The following CDK5 variants were observed in gnomAD, a reference collection of about 807,000 sequenced individuals.
CDK5 encodes the protein cyclin dependent kinase 5, also known as cyclin-dependent kinase 5.
A neutral mutation model predicts 44.6 loss-of-function variants in CDK5; 18 were observed. The ratio of observed to expected loss-of-function variants is 0.40; its 90% CI spans 0.28 to 0.60. CDK5 has a LOEUF of 0.60. Among genes scored for constraint, CDK5 ranks in the 20% least tolerant of loss-of-function variants. CDK5 has a pLI of 0.38. For synonymous variants in CDK5, 143 were observed against 152.8 expected, an observed-to-expected ratio of 0.94 and a Z score of 0.47; for missense variants, 198 against 368.1, an observed-to-expected ratio of 0.54 and a Z score of 3.78.
chr7:151,056,011 T>C lies in CDK5; in HGVS notation c.313-163A>G. 1.6e-6 allele frequency: 1 copy of C among 636,374 alleles called. No homozygotes were observed. The highest frequency in any genetic ancestry group is 2.9e-6 in the Non-Finnish European group (1 of 350,690). The allele number at this position is 636,374 out of a possible 1,614,324, so 39.4% of individuals were successfully genotyped here. A position where few individuals can be genotyped will look rare whatever the true frequency, so the allele number is the denominator to read the frequency against. On this transcript the variant is annotated intron_variant, in intron 5 of 11. Coordinates refer to ENST00000485972, the MANE Select transcript of CDK5 (RefSeq NM_004935.4). This position sits in a 1 kb window ranked among gnomAD's most constrained non-coding sequence, Gnocchi z 4.7. ...CATTCGCCATCCAGGACCTGCTTTA[T>C]ACTGTGCTAGGCATTAGAGGGACCA...
chr7:151,054,380 A>G lies in CDK5; in HGVS notation c.711+25T>C. The stretch of plus-strand genomic sequence containing the variant: ...GTGAAACGAGTGACCCTGATGAACC[A>G]TGACCCCCACATTCCCCATCACACC... On this transcript the variant is annotated intron_variant, in intron 10 of 11. Transcript: ENST00000485972. The surrounding 1 kb of genome is among the most constrained non-coding windows in gnomAD (Gnocchi z 5.7). The G allele has an allele frequency of 1.9e-6, 3 of 1,613,204 alleles. No homozygotes were observed. The highest frequency in any genetic ancestry group is 2.5e-6 in the Non-Finnish European group (3 of 1,179,380).
Position 151,057,460 on chromosome 7 carries a change from C to T in CDK5, c.38-300G>A. 1.7e-6 allele frequency: 1 copy of T among 588,808 alleles called. No individual in the cohort carries two copies. The highest frequency in any genetic ancestry group is 3.0e-6 in the Non-Finnish European group (1 of 330,868). The allele number at this position is 588,808 out of a possible 1,614,324, so 36.5% of individuals were successfully genotyped here. ...TAGTGAGGAGGGGTCTGGGAGAGGA[C>T]TGAGGGGCTGCAGAAATATTGAGGT... is the stretch of plus-strand genomic sequence containing the variant. On this transcript the variant is annotated intron_variant, in intron 1 of 11. Transcript: ENST00000485972. This position sits in a 1 kb window ranked among gnomAD's most constrained non-coding sequence, Gnocchi z 5.2.
At position 151,054,915 on chromosome 7, in the gene CDK5, C is replaced by T. The variant is rs982056872; in HGVS notation, c.650+112G>A. On this transcript the variant is annotated intron_variant, in intron 9 of 11. Coordinates refer to ENST00000485972, the MANE Select transcript of CDK5 (RefSeq NM_004935.4). The surrounding 1 kb of genome is among the most constrained non-coding windows in gnomAD (Gnocchi z 5.7). ...CTCTCCCCTTGCCCTCAGGAGAAGC[C>T]CTACAGACCCCATCACCCTACCCCA... is the stretch of plus-strand genomic sequence containing the variant. 1.2e-4 allele frequency: 126 copies of T among 1,040,400 alleles called. 1 individual carries two copies. The Admixed American group carries it at 2.5e-3, about 21-fold the overall frequency. The allele number at this position is 1,040,400 out of a possible 1,614,324, so 64.4% of individuals were successfully genotyped here. A position where few individuals can be genotyped will look rare whatever the true frequency, so the allele number is the denominator to read the frequency against.
chr7:151,057,518 T>C lies in CDK5; in HGVS notation c.37+294A>G. The C allele has an allele frequency of 1.7e-6, 1 of 592,796 alleles. No individual in the cohort carries two copies. Among genetic ancestry groups the C allele is most frequent in the East Asian group, 2.8e-5 (1 of 35,444 alleles). 36.7% of individuals were successfully genotyped at this position (592,796 alleles called of 1,614,324 possible). The stretch of plus-strand genomic sequence containing the variant: ...CTGCAGCAAGAAACGAGGCTGGGGG[T>C]CGGGGTGAGGTTGTCCAAGTGCTGC... On this transcript the variant is annotated intron_variant, in intron 1 of 11. Coordinates refer to ENST00000485972, the MANE Select transcript of CDK5 (RefSeq NM_004935.4). The surrounding 1 kb of genome is among the most constrained non-coding windows in gnomAD (Gnocchi z 5.2).
In CDK5 at chr7:151,056,173, C is replaced by A. The variant is rs115499981; in HGVS notation, c.313-325G>T. On this transcript the variant is annotated intron_variant, in intron 5 of 11. Transcript: ENST00000485972. This position sits in a 1 kb window ranked among gnomAD's most constrained non-coding sequence, Gnocchi z 4.7. The stretch of plus-strand genomic sequence containing the variant: ...CCTGGCCGCATCTGAGTATGCACGC[C>A]GTGAACATCAACATAAATATCGTGC... 1.0e-3 allele frequency: 516 copies of A among 508,980 alleles called. 1 individual carries two copies. The highest frequency in any genetic ancestry group is 8.7e-3 in the African/African-American group (458 of 52,622). The allele number at this position is 508,980 out of a possible 1,614,324, so 31.5% of individuals were successfully genotyped here. A position where few individuals can be genotyped will look rare whatever the true frequency, so the allele number is the denominator to read the frequency against.
Position 151,057,205 on chromosome 7 carries a change from T to TC in CDK5, c.38-46dup, listed in dbSNP as rs1269037622. The TC allele has an allele frequency of 6.9e-7, 1 of 1,440,052 alleles. No individual in the cohort carries two copies. The highest frequency in any genetic ancestry group is 9.8e-7 in the Non-Finnish European group (1 of 1,021,562). 89.2% of individuals were successfully genotyped at this position (1,440,052 alleles called of 1,614,324 possible). A position where few individuals can be genotyped will look rare whatever the true frequency, so the allele number is the denominator to read the frequency against. ...GGTCAGGGTGAGGATGCGGCACTCT[T>TC]CCCTAAGCCAGGAAATGCCTCCTGA... On this transcript the variant is annotated intron_variant, in intron 1 of 11. Transcript: ENST00000485972. This position sits in a 1 kb window ranked among gnomAD's most constrained non-coding sequence, Gnocchi z 5.2.
At position 151,056,100 on chromosome 7, in the gene CDK5, G is replaced by A; in HGVS notation, c.313-252C>T. ...CATACAGCCTAATGGGCCTTGGCAGGTGGATCCTAGATCCGGCCTAGATCC... is the reference window on the plus strand; with the variant it reads ...CATACAGCCTAATGGGCCTTGGCAGATGGATCCTAGATCCGGCCTAGATCC... On this transcript the variant is annotated intron_variant, in intron 5 of 11. Transcript: ENST00000485972. This position sits in a 1 kb window ranked among gnomAD's most constrained non-coding sequence, Gnocchi z 4.7. 1 of 554,062 alleles carries A rather than the reference G, an allele frequency of 1.8e-6. No homozygotes were observed. The highest frequency in any genetic ancestry group is 2.9e-5 in the East Asian group (1 of 34,660). 34.3% of individuals were successfully genotyped at this position (554,062 alleles called of 1,614,324 possible). A position where few individuals can be genotyped will look rare whatever the true frequency, so the allele number is the denominator to read the frequency against.
Position 151,056,203 on chromosome 7 carries a change from G to GT in CDK5, c.313-356dup, listed in dbSNP as rs1166261515. Reference sequence around the variant, plus strand: ...ACATCAACATAAATATCGTGCTGTAGTATCATTCAGGACTGGCTCCCCTGG... The same window carrying GT: ...ACATCAACATAAATATCGTGCTGTAGTTATCATTCAGGACTGGCTCCCCTGG... On this transcript the variant is annotated intron_variant, in intron 5 of 11. Transcript: ENST00000485972. This position sits in a 1 kb window ranked among gnomAD's most constrained non-coding sequence, Gnocchi z 4.7. 2 of 514,022 alleles carry GT rather than the reference G, an allele frequency of 3.9e-6. No individual in the cohort carries two copies. The highest frequency in any genetic ancestry group is 3.4e-5 in the Admixed American group (1 of 29,472). 31.8% of individuals were successfully genotyped at this position (514,022 alleles called of 1,614,324 possible).
In CDK5 at chr7:151,056,405, C is replaced by A. The variant is rs1043815260; in HGVS notation, c.312+175G>T. The A allele has an allele frequency of 3.2e-6, 2 of 621,028 alleles. No homozygotes were observed. The highest frequency in any genetic ancestry group is 5.7e-6 in the Non-Finnish European group (2 of 348,602). 38.5% of individuals were successfully genotyped at this position (621,028 alleles called of 1,614,324 possible). The stretch of plus-strand genomic sequence containing the variant: ...ACACTGTGCGGGTCAAAGATGACCA[C>A]GTGAAAATGCTCACTAAGACTGGAG... On this transcript the variant is annotated intron_variant, in intron 5 of 11. Coordinates refer to ENST00000485972, the MANE Select transcript of CDK5 (RefSeq NM_004935.4). The surrounding 1 kb of genome is among the most constrained non-coding windows in gnomAD (Gnocchi z 4.7).
Position 151,053,943 on chromosome 7 carries a change from C to T in CDK5, c.*66G>A, listed in dbSNP as rs1172756798. 4.3e-6 allele frequency: 6 copies of T among 1,406,918 alleles called. No homozygotes were observed. The highest frequency in any genetic ancestry group is 5.9e-6 in the Non-Finnish European group (6 of 1,023,508). The allele number at this position is 1,406,918 out of a possible 1,614,324, so 87.2% of individuals were successfully genotyped here. On this transcript the variant is annotated 3_prime_UTR_variant, in exon 12 of 12. Transcript: ENST00000485972. ...ACAGCGCACCAGGCACCCCCACTGT[C>T]TCACCCCTCTCAAGAGGGGGCTTAA... is the stretch of plus-strand genomic sequence containing the variant.
rs1446456251 is a variant in CDK5, at chr7:151,054,982, ACT to A, written c.650+43_650+44del. ...ACCCATTGTGCTCAAAACTCCATGG[ACT>A]CTCCCCTCCCAGAGGGCTCAAGGCA... On this transcript the variant is annotated intron_variant, in intron 9 of 11. Coordinates refer to ENST00000485972, the MANE Select transcript of CDK5 (RefSeq NM_004935.4). The surrounding 1 kb of genome is among the most constrained non-coding windows in gnomAD (Gnocchi z 5.7). 1.3e-6 allele frequency: 2 copies of A among 1,594,192 alleles called. No individual in the cohort carries two copies. Among genetic ancestry groups the A allele is most frequent in the East Asian group, 4.5e-5 (2 of 44,742 alleles).
At position 151,053,922 on chromosome 7, in the gene CDK5, C is replaced by G. The variant is rs1027674304; in HGVS notation, c.*87G>C. On this transcript the variant is annotated 3_prime_UTR_variant, in exon 12 of 12. Transcript: ENST00000485972. ...TGGGCCCAGCACTGCTGGAGCACAG[C>G]GCACCAGGCACCCCCACTGTCTCAC... is the stretch of plus-strand genomic sequence containing the variant. The G allele has an allele frequency of 1.7e-6, 2 of 1,184,172 alleles. No homozygotes were observed. Among genetic ancestry groups the G allele is most frequent in the Non-Finnish European group, 2.4e-6 (2 of 832,202 alleles). 73.4% of individuals were successfully genotyped at this position (1,184,172 alleles called of 1,614,324 possible).
chr7:151,056,511 A>G lies in CDK5; in HGVS notation c.312+69T>C. On this transcript the variant is annotated intron_variant, in intron 5 of 11. Coordinates refer to ENST00000485972, the MANE Select transcript of CDK5 (RefSeq NM_004935.4). The surrounding 1 kb of genome is among the most constrained non-coding windows in gnomAD (Gnocchi z 4.7). ...TGTTCAGGGCCCAAACTTAGAGCCC[A>G]AGGGGTGCTTACACCGAATGCAGAC... 1.4e-6 allele frequency: 2 copies of G among 1,420,194 alleles called. No individual in the cohort carries two copies. The highest frequency in any genetic ancestry group is 1.8e-5 in the Admixed American group (1 of 55,796). The allele number at this position is 1,420,194 out of a possible 1,614,324, so 88.0% of individuals were successfully genotyped here. A position where few individuals can be genotyped will look rare whatever the true frequency, so the allele number is the denominator to read the frequency against.
chr7:151,057,183 C>T lies in CDK5; in HGVS notation c.38-23G>A, dbSNP rs1392670011. 6.3e-7 allele frequency: 1 copy of T among 1,584,434 alleles called. No individual in the cohort carries two copies. The highest frequency in any genetic ancestry group is 8.7e-7 in the Non-Finnish European group (1 of 1,153,142). ...TGCCTAGGGGAAGGAGGTCAGGGGTCAGGGTGAGGATGCGGCACTCTTCCC... is the reference window on the plus strand; with the variant it reads ...TGCCTAGGGGAAGGAGGTCAGGGGTTAGGGTGAGGATGCGGCACTCTTCCC... On this transcript the variant is annotated intron_variant, in intron 1 of 11. Coordinates refer to ENST00000485972, the MANE Select transcript of CDK5 (RefSeq NM_004935.4). This position sits in a 1 kb window ranked among gnomAD's most constrained non-coding sequence, Gnocchi z 5.2.
At position 151,054,003 on chromosome 7, in the gene CDK5, C is replaced by T. The variant is rs371735422; in HGVS notation, c.*6G>A. ...GCCCCAGCCTGGAGGCCGGGGGTCC[C>T]GGGGCCTAGGGCGGACAGAAGTCGG... On this transcript the variant is annotated 3_prime_UTR_variant, in exon 12 of 12. Transcript: ENST00000485972. The surrounding 1 kb of genome is among the most constrained non-coding windows in gnomAD (Gnocchi z 5.7). 4.7e-5 allele frequency: 74 copies of T among 1,581,940 alleles called. No individual in the cohort carries two copies. Among genetic ancestry groups the T allele is most frequent in the East Asian group, 3.5e-4 (15 of 43,458 alleles).
chr7:151,055,419 G>T lies in CDK5; in HGVS notation c.484-46C>A, dbSNP rs779590936. On this transcript the variant is annotated intron_variant, in intron 7 of 11. Transcript: ENST00000485972. ...AAGGGACCTCCCACTTAGAGGACTG[G>T]GGAGGAGGTTTGAGGAGGAGGCTCA... is the stretch of plus-strand genomic sequence containing the variant. The T allele has an allele frequency of 5.1e-6, 8 of 1,573,234 alleles. No individual in the cohort carries two copies. In the African/African-American group the frequency reaches 1.1e-4, roughly 21 times the overall value.
rs777125495 is a variant in CDK5, at chr7:151,054,026, C to T, written c.862G>A (p.Asp288Asn). The stretch of plus-strand genomic sequence containing the variant: ...CCCGGGGCCTAGGGCGGACAGAAGT[C>T]GGAGAAGTAGGGGTGCTGCAGGGCC... ...EEALQHPYFSDFCPP is the reference protein window; with the variant it reads ...EEALQHPYFSNFCPP Residue 288 changes from aspartate (D) to asparagine (N), a missense_variant, in exon 12 of 12, where the codon GAC becomes AAC. Physicochemically the swap from Asp to Asn is conservative, Grantham distance 23 (BLOSUM62 1). Around this residue, in one of 4 missense-constraint regions of CDK5, gnomAD observed 81 missense variants for 102.1 expected, o/e 0.79. Transcript: ENST00000485972. This position sits in a 1 kb window ranked among gnomAD's most constrained non-coding sequence, Gnocchi z 5.7. The T allele has an allele frequency of 1.4e-5, 23 of 1,596,106 alleles. No homozygotes were observed. The highest frequency in any genetic ancestry group is 1.8e-5 in the Non-Finnish European group (21 of 1,171,818).
Position 151,056,209 on chromosome 7 carries a change from T to C in CDK5, c.313-361A>G, listed in dbSNP as rs1756844439. On this transcript the variant is annotated intron_variant, in intron 5 of 11. Coordinates refer to ENST00000485972, the MANE Select transcript of CDK5 (RefSeq NM_004935.4). The surrounding 1 kb of genome is among the most constrained non-coding windows in gnomAD (Gnocchi z 4.7). ...ACATAAATATCGTGCTGTAGTATCA[T>C]TCAGGACTGGCTCCCCTGGAACCTG... 9.7e-6 allele frequency: 5 copies of C among 515,120 alleles called. No individual in the cohort carries two copies. Among genetic ancestry groups the C allele is most frequent in the South Asian group, 7.5e-5 (3 of 40,086 alleles). The allele number at this position is 515,120 out of a possible 1,614,324, so 31.9% of individuals were successfully genotyped here.
At position 151,056,871 on chromosome 7, in the gene CDK5, C is replaced by A. The variant is rs1365618168; in HGVS notation, c.194+37G>T. On this transcript the variant is annotated intron_variant, in intron 3 of 11. Coordinates refer to ENST00000485972, the MANE Select transcript of CDK5 (RefSeq NM_004935.4). The surrounding 1 kb of genome is among the most constrained non-coding windows in gnomAD (Gnocchi z 4.7). ...AGTGTCAGCCCCCGCCTCCCCCAAGCGGCCACACCGGCAAGGAGCACCCGC... is the reference window on the plus strand; with the variant it reads ...AGTGTCAGCCCCCGCCTCCCCCAAGAGGCCACACCGGCAAGGAGCACCCGC... The A allele has an allele frequency of 1.3e-6, 2 of 1,593,666 alleles. No individual in the cohort carries two copies. Among genetic ancestry groups the A allele is most frequent in the Admixed American group, 3.6e-5 (2 of 55,834 alleles).
Sources: gnomAD v4.1 joint callset for allele counts on GRCh38, gnomAD v4.1.1 for gene constraint, gnomAD v4.1.1 regional missense constraint, Gnocchi (gnomAD v3.1) non-coding constraint, MANE v1.5 for transcripts, NCBI Gene and HGNC (gene_info 2026-07-23, HGNC 2026-07-21) for gene names.